MTF2: variants seen among roughly 807,000 people sequenced by gnomAD.
The protein encoded by MTF2 is metal-response element-binding transcription factor 2.
A neutral mutation model predicts 79.5 loss-of-function variants in MTF2; 11 were observed. That is an observed-to-expected ratio of 0.14 (90% confidence interval 0.09 to 0.23). The LOEUF is 0.23. Ranked by LOEUF, MTF2 falls within the 10% of genes least tolerant of loss-of-function variation. The pLI, the probability that MTF2 is intolerant of heterozygous loss-of-function variation, is 1.00. For synonymous variants in MTF2, 208 were observed against 232.8 expected (o/e 0.89, Z 0.97); for missense variants, 486 against 711.2 (o/e 0.68, Z 3.60).
intron 1 of MTF2, among the ~76,000 whole-genome samples, chr1:93,090,377 G>A (rs1254186458): frequency 6.6e-6 from 1 of 152,078 alleles, no homozygotes; most frequent in African/African-American, 2.4e-5. Context: ...CTCCCAAAGT[G>A]TTGGGATTAC....
intron 6 of MTF2, among the ~76,000 whole-genome samples, chr1:93,116,247 T>G (rs201895453): frequency 1.4e-5 from 2 of 144,302 alleles, no homozygotes; most frequent in African/African-American, 5.1e-5. Flanking sequence ...TTTTTTTTTT[T>G]GTAAAGACAG....
chr1:93,134,435 GA>G, intron 14 of MTF2: 1 of 452,550 alleles, frequency 2.2e-6, no homozygotes, highest in Non-Finnish European at 3.9e-6. Flanking sequence ...TGTACACAGA[GA>G]AAAAGTATAC....
Position 93,086,496 on chromosome 1 carries a change from CA to C in MTF2, c.5+6985del, listed in dbSNP as rs10648696. Among the ~76,000 whole-genome samples the C allele has an allele frequency of 3.0e-3, 289 of 97,834 alleles. 1 individual carries two copies. Among genetic ancestry groups the C allele is most frequent in the African/African-American group, 0.01 (231 of 22,432 alleles). The allele number at this position is 97,834 out of a possible 152,430, so 64.2% of individuals were successfully genotyped here. A position where few individuals can be genotyped will look rare whatever the true frequency, so the allele number is the denominator to read the frequency against. ...CCTGGGTGACAGAGCGAGACTGTCT[CA>C]AAAAAAAAAAAAAAAAAAAGATGAG... On this transcript the variant is annotated intron_variant, in intron 1 of 14. Coordinates refer to ENST00000370298, the MANE Select transcript of MTF2 (RefSeq NM_007358.4).
At chr1:93,128,678 A>G (rs1198534689) in intron 10 of MTF2, 4 of 151,814 alleles carry the variant, frequency 2.6e-5, no homozygotes, top group African/African-American at 9.7e-5. Flanking sequence ...AATAAGGACC[A>G]TAGAGACTAA....
intron 1 of MTF2, among the ~76,000 whole-genome samples, chr1:93,103,532 A>G (rs1406325915): frequency 5.3e-5 from 8 of 151,932 alleles, no homozygotes; most frequent in Non-Finnish European, 8.8e-5. Context: ...AAAAACATTT[A>G]TATGAATTAT....
intron 1 of MTF2, among the ~76,000 whole-genome samples, chr1:93,093,910 A>T (rs1221694529): frequency 6.6e-6 from 1 of 152,022 alleles, no homozygotes; most frequent in African/African-American, 2.4e-5. Flanking sequence ...TGATAATTTG[A>T]CTGGTTATAA....
At chr1:93,091,210 C>G (rs1212422615) in intron 1 of MTF2, among the ~76,000 whole-genome samples, 1 of 152,118 alleles carries the variant, frequency 6.6e-6, no homozygotes, top group African/African-American at 2.4e-5. Context: ...TTTTACTTAA[C>G]CCGTCTGGTA....
chr1:93,133,714 A>G lies in MTF2; in HGVS notation c.1172A>G (p.Asn391Ser). 3 of 1,609,782 alleles carry G rather than the reference A, an allele frequency of 1.9e-6. No individual in the cohort carries two copies. Among genetic ancestry groups the G allele is most frequent in the Non-Finnish European group, 2.5e-6 (3 of 1,177,992 alleles). The change falls in exon 12 of 15, where the codon AAT becomes AGT. Residue 391 changes from asparagine to serine, a missense_variant. Coordinates refer to ENST00000370298, the MANE Select transcript of MTF2 (RefSeq NM_007358.4). ...KPISDSREVS[N>S]GIEKKGKKKS... Reference sequence around the variant, plus strand: ...GTTTTCCATTTCAGGGAAGTAAGCAATGGCATAGAAAAAAAAGGAAAGAAA... The same window carrying G: ...GTTTTCCATTTCAGGGAAGTAAGCAGTGGCATAGAAAAAAAAGGAAAGAAA...
chr1:93,104,083 C>T (rs1447676770), intron 1 of MTF2, among the ~76,000 whole-genome samples: 3 of 148,590 alleles, frequency 2.0e-5, no homozygotes, highest in Non-Finnish European at 3.0e-5. Flanking sequence ...AGACCACAGG[C>T]GTATGCCACT....
chr1:93,126,871 T>C (rs532662015), intron 9 of MTF2, among the ~76,000 whole-genome samples: 1 of 152,234 alleles, frequency 6.6e-6, no homozygotes, highest in South Asian at 2.1e-4. Context: ...AAAATAATTC[T>C]AATGTATTAT....
chr1:93,096,995 A>C (rs1293456608), intron 1 of MTF2, among the ~76,000 whole-genome samples: 1 of 151,364 alleles, frequency 6.6e-6, no homozygotes, highest in Non-Finnish European at 1.5e-5. Flanking sequence ...TTTTTTGTAG[A>C]GATGCGGTTT....
At chr1:93,097,722 T>G (rs938184020) in intron 1 of MTF2, among the ~76,000 whole-genome samples, 1 of 152,046 alleles carries the variant, frequency 6.6e-6, no homozygotes, top group Admixed American at 6.6e-5. Context: ...CTCAGCCTCC[T>G]GAGTAGCTGG....
chr1:93,105,971 G>GC (rs1441592069), intron 1 of MTF2, among the ~76,000 whole-genome samples: 2 of 152,182 alleles, frequency 1.3e-5, no homozygotes, highest in African/African-American at 4.8e-5. Context: ...ACCATGCCCG[G>GC]CCATGAATGT....
At chr1:93,117,517 C>G (rs1656294674) in intron 6 of MTF2, among the ~76,000 whole-genome samples, 1 of 152,124 alleles carries the variant, frequency 6.6e-6, no homozygotes, top group Non-Finnish European at 1.5e-5. Context: ...GCCTTTATAC[C>G]TGGTAGAGTC....
In MTF2 at chr1:93,119,572, C is replaced by T. The variant is rs1571243436; in HGVS notation, c.797+171C>T. ...TGTCATCTTCACTAAGTAACATCCA[C>T]TTGTATTGCTAAATTAATAAGGCTG... On this transcript the variant is annotated intron_variant, in intron 8 of 14. Transcript: ENST00000370298. The T allele has an allele frequency of 7.3e-6, 4 of 547,770 alleles. No individual in the cohort carries two copies. The East Asian group carries it at 1.2e-4, about 17-fold the overall frequency. The allele number at this position is 547,770 out of a possible 1,614,324, so 33.9% of individuals were successfully genotyped here. A position where few individuals can be genotyped will look rare whatever the true frequency, so the allele number is the denominator to read the frequency against.
Position 93,115,537 on chromosome 1 carries a change from A to G in MTF2, c.551A>G (p.Tyr184Cys), listed in dbSNP as rs1370302054. Reference sequence around the variant, plus strand: ...CAAGTCATGAAGCAGACATTACCCTATAGTGTGGCAGACCTTGAATGGGAT... The same window carrying G: ...CAAGTCATGAAGCAGACATTACCCTGTAGTGTGGCAGACCTTGAATGGGAT... Reference protein sequence around the residue: ...ALQVMKQTLPYSVADLEWDAG... With the variant: ...ALQVMKQTLPCSVADLEWDAG... The change falls in exon 6 of 15, where the codon TAT becomes TGT. Residue 184 changes from tyrosine to cysteine, a missense_variant. This residue lies in a region of MTF2 where 177 missense variants were observed against 364.0 expected (regional missense o/e 0.49). Coordinates refer to ENST00000370298, the MANE Select transcript of MTF2 (RefSeq NM_007358.4). 4 of 1,612,326 alleles carry G rather than the reference A, an allele frequency of 2.5e-6. No homozygotes were observed. Among genetic ancestry groups the G allele is most frequent in the Non-Finnish European group, 2.5e-6 (3 of 1,179,166 alleles).
At chr1:93,125,770 T>C (rs921632074) in intron 9 of MTF2, among the ~76,000 whole-genome samples, 3 of 152,068 alleles carry the variant, frequency 2.0e-5, no homozygotes, top group East Asian at 3.8e-4. Context: ...CCATGTGATA[T>C]AGCTATTAAA....
intron 1 of MTF2, among the ~76,000 whole-genome samples, chr1:93,105,414 G>A (rs1355812470): frequency 1.3e-5 from 2 of 152,148 alleles, no homozygotes; most frequent in Admixed American, 6.5e-5. Flanking sequence ...GCTAATGGGA[G>A]GGTGCCCAGA....
At chr1:93,087,254 A>G (rs957017101) in intron 1 of MTF2, among the ~76,000 whole-genome samples, 3 of 152,204 alleles carry the variant, frequency 2.0e-5, no homozygotes, top group African/African-American at 7.2e-5. Context: ...CATCACTGAT[A>G]GATGACTTCA....
Sources: gnomAD v4.1 joint callset for allele counts (sites outside exome capture counted in the v4.1 genomes callset) on GRCh38, gnomAD v4.1.1 for gene constraint, gnomAD v4.1.1 regional missense constraint, MANE v1.5 for transcripts, NCBI Gene and HGNC (gene_info 2026-07-23, HGNC 2026-07-21) for gene names.